NFE2L2: variants seen among roughly 807,000 people sequenced by gnomAD.
NFE2L2 encodes the protein NFE2 like bZIP transcription factor 2.
A neutral mutation model predicts 49.6 loss-of-function variants in NFE2L2; 20 were observed. That is an observed-to-expected ratio of 0.40 (90% CI 0.28 to 0.59). NFE2L2 has a LOEUF of 0.59. NFE2L2 is among the 20% of genes least tolerant of loss of function. The pLI is 0.40. For missense variants in NFE2L2, 578 were observed against 714.2 expected (o/e 0.81, Z 2.17); for synonymous variants, 244 against 256.5 (o/e 0.95, Z 0.47).
chr2:177,239,394 T>C, intron 1 of NFE2L2, among the ~76,000 whole-genome samples: 1 of 152,170 alleles, frequency 6.6e-6, no homozygotes, highest in East Asian at 1.9e-4. Context: ...TATATTTATG[T>C]GGCCAGGCAT....
In NFE2L2 at chr2:177,259,259, A is replaced by G. The variant is rs57136150; in HGVS notation, c.45+5273T>C. Among the ~76,000 whole-genome samples the G allele has an allele frequency of 2.0e-5, 3 of 151,894 alleles. No individual in the cohort carries two copies. In the East Asian group the frequency reaches 5.9e-4, roughly 30 times the overall value. The stretch of plus-strand genomic sequence containing the variant: ...GGAGGGTGCAGTGAGCCCAGACTGT[A>G]CCAATGCACTCCAGCCTGGGTGACC... On this transcript the variant is annotated intron_variant, in intron 1 of 4. Coordinates refer to ENST00000397062, the MANE Select transcript of NFE2L2 (RefSeq NM_006164.5).
intron 1 of NFE2L2, among the ~76,000 whole-genome samples, chr2:177,248,073 A>C (rs996940456): frequency 6.6e-6 from 1 of 152,204 alleles, no homozygotes; most frequent in Non-Finnish European, 1.5e-5. Flanking sequence ...CAACTGACTA[A>C]GGAGAGCTGA....
Position 177,231,913 on chromosome 2 carries a change from T to A in NFE2L2, c.690A>T (p.Ser230=), listed in dbSNP as rs1209598219. The change falls in exon 5 of 5, where the codon TCA becomes TCT. Residue 230 remains serine, a synonymous_variant. Transcript: ENST00000397062. ...CTTCTTTTTCCATTGAGGGTATAGA[T>A]GAGTAAAAATGATAATTGTCAACTT... The part of the protein sequence containing the change: ...LTEVDNYHFY[S]SIPSMEKEVG... The A allele has an allele frequency of 2.5e-6, 4 of 1,614,050 alleles. No individual in the cohort carries two copies. The highest frequency in any genetic ancestry group is 3.4e-6 in the Non-Finnish European group (4 of 1,180,008).
chr2:177,232,489 T>G lies in NFE2L2; in HGVS notation c.497A>C (p.Glu166Ala), dbSNP rs773787567. Reference sequence around the variant, plus strand: ...AGGGGCTACCTGAGCAACAGAAGTTTCAGGTGACTGAGCCTGATTAGTAGC... The same window carrying G: ...AGGGGCTACCTGAGCAACAGAAGTTGCAGGTGACTGAGCCTGATTAGTAGC... ...FIATNQAQSP[E>A]TSVAQVAPVD... is the part of the protein sequence containing the mutation. The change falls in exon 4 of 5, where the codon GAA (glutamate) becomes GCA (alanine). Residue 166 changes from glutamate (E) to alanine (A), a missense_variant. Coordinates refer to ENST00000397062, the MANE Select transcript of NFE2L2 (RefSeq NM_006164.5). 6.2e-7 allele frequency: 1 copy of G among 1,614,138 alleles called. No homozygotes were observed. The highest frequency in any genetic ancestry group is 8.5e-7 in the Non-Finnish European group (1 of 1,179,988).
At chr2:177,264,006 G>C (rs1386421881) in intron 1 of NFE2L2, 1 of 951,198 alleles carries the variant, frequency 1.1e-6, no homozygotes, top group Non-Finnish European at 1.3e-6. Context: ...AGGAGGTCTT[G>C]GGGCGCGGCG....
At chr2:177,256,274 C>CCT (rs1690519713) in intron 1 of NFE2L2, among the ~76,000 whole-genome samples, 1 of 151,906 alleles carries the variant, frequency 6.6e-6, no homozygotes, top group African/African-American at 2.4e-5. Flanking sequence ...TATTCTAGTC[C>CCT]CTCAGGCAGG....
At chr2:177,262,563 A>G (rs538253061) in intron 1 of NFE2L2, among the ~76,000 whole-genome samples, 10 of 152,270 alleles carry the variant, frequency 6.6e-5, no homozygotes, top group African/African-American at 9.6e-5. Flanking sequence ...TCAATTCTAA[A>G]TTTTCTTGTT....
chr2:177,242,756 A>G lies in NFE2L2; in HGVS notation c.46-8485T>C, dbSNP rs1689982535. On this transcript the variant is annotated intron_variant, in intron 1 of 4. Coordinates refer to ENST00000397062, the MANE Select transcript of NFE2L2 (RefSeq NM_006164.5). ...AAGCAAGAATTTGGATTATTTTCTC[A>G]AGAGGCACATGCAGAGTTCGGTCAA... 2.0e-5 allele frequency among the ~76,000 whole-genome samples: 3 copies of G among 152,244 alleles called. No individual in the cohort carries two copies. The South Asian group carries it at 6.2e-4, about 31-fold the overall frequency.
Position 177,231,807 on chromosome 2 carries a change from A to T in NFE2L2, c.796T>A (p.Leu266Met), listed in dbSNP as rs575653117. ...TCTGAATTTAATGAGTTCACTGTCA[A>T]CTGGTTGGGGTCTTCTGTGGAGAGG... ...SILSTEDPNQ[L>M]TVNSLNSDAT... is the part of the protein sequence containing the mutation. Residue 266 changes from leucine (L) to methionine (M), a missense_variant, in exon 5 of 5, where the codon TTG becomes ATG. Leu to Met is a conservative substitution (Grantham distance 15). Transcript: ENST00000397062. 1 of 1,614,220 alleles carries T rather than the reference A, an allele frequency of 6.2e-7. No homozygotes were observed. Among genetic ancestry groups the T allele is most frequent in the Non-Finnish European group, 8.5e-7 (1 of 1,180,028 alleles).
chr2:177,261,426 C>T (rs569905730), intron 1 of NFE2L2, among the ~76,000 whole-genome samples: 1 of 152,132 alleles, frequency 6.6e-6, no homozygotes, highest in African/African-American at 2.4e-5. Context: ...CTCAACTTAC[C>T]CACTTTTTAA....
chr2:177,258,480 G>A (rs769956295), intron 1 of NFE2L2, among the ~76,000 whole-genome samples: 4 of 152,172 alleles, frequency 2.6e-5, no homozygotes, highest in Non-Finnish European at 5.9e-5. Context: ...AATGGATATG[G>A]GGTTTCTTTT....
At chr2:177,258,923 ATT>A (rs1301421106) in intron 1 of NFE2L2, among the ~76,000 whole-genome samples, 1 of 152,236 alleles carries the variant, frequency 6.6e-6, no homozygotes, top group African/African-American at 2.4e-5. Flanking sequence ...GCTATTTAGC[ATT>A]GTCTTAGAAT....
chr2:177,230,781 A>C lies in NFE2L2; in HGVS notation c.*4T>G. On this transcript the variant is annotated 3_prime_UTR_variant, in exon 5 of 5. Coordinates refer to ENST00000397062, the MANE Select transcript of NFE2L2 (RefSeq NM_006164.5). ...AGCTCAGAAAAGGTCAAATCCTCCT[A>C]AATCTAGTTTTTCTTAACATCTGGC... 1.3e-6 allele frequency: 2 copies of C among 1,572,774 alleles called. No homozygotes were observed. The highest frequency in any genetic ancestry group is 2.2e-5 in the East Asian group (1 of 44,524).
chr2:177,261,355 G>C (rs1408169255), intron 1 of NFE2L2, among the ~76,000 whole-genome samples: 1 of 152,080 alleles, frequency 6.6e-6, no homozygotes, highest in South Asian at 2.1e-4. Context: ...TTGCTAAATG[G>C]AAAAGCTGCA....
intron 1 of NFE2L2, among the ~76,000 whole-genome samples, chr2:177,237,273 C>G (rs1031725913): frequency 2.6e-5 from 4 of 152,174 alleles, no homozygotes; most frequent in African/African-American, 9.7e-5. Flanking sequence ...TAGTATGAAG[C>G]GGCCAGTCTG....
At position 177,231,198 on chromosome 2, in the gene NFE2L2, G is replaced by A. The variant is rs2105451801; in HGVS notation, c.1405C>T (p.Pro469Ser). The change falls in exon 5 of 5, where the codon CCT becomes TCT. Residue 469 changes from proline to serine, a missense_variant. By Grantham distance (74) the Pro-to-Ser change is moderately conservative. Transcript: ENST00000397062. ...LRAKALHIPFPVEKIINLPVV... is the reference protein window; with the variant it reads ...LRAKALHIPFSVEKIINLPVV... ...GGGAGGTTAATGATTTTTTCTACAGGGAATGGGATATGGAGAGCTTTTGCC... is the reference window on the plus strand; with the variant it reads ...GGGAGGTTAATGATTTTTTCTACAGAGAATGGGATATGGAGAGCTTTTGCC... The A allele has an allele frequency of 6.2e-7, 1 of 1,614,068 alleles. No individual in the cohort carries two copies.
intron 1 of NFE2L2, among the ~76,000 whole-genome samples, chr2:177,254,026 T>C (rs573700187): frequency 6.6e-6 from 1 of 152,326 alleles, no homozygotes; most frequent in South Asian, 2.1e-4. Context: ...TATCTCAGTA[T>C]TCAGACTTCT....
At chr2:177,244,831 CA>C (rs1337493860) in intron 1 of NFE2L2, among the ~76,000 whole-genome samples, 156 of 151,878 alleles carry the variant, frequency 1.0e-3, no homozygotes, top group African/African-American at 3.5e-3. Flanking sequence ...GGTGAAACCC[CA>C]TCTCTACTAA....
At chr2:177,241,367 T>C (rs1352005096) in intron 1 of NFE2L2, among the ~76,000 whole-genome samples, 3 of 152,236 alleles carry the variant, frequency 2.0e-5, no homozygotes, top group Admixed American at 6.5e-5. Context: ...TTCTTCATAT[T>C]ATTCCCAGGT....
Sources: gnomAD v4.1 joint callset for allele counts (sites outside exome capture counted in the v4.1 genomes callset) on GRCh38, gnomAD v4.1.1 for gene constraint, MANE v1.5 for transcripts, NCBI Gene and HGNC (gene_info 2026-07-23, HGNC 2026-07-21) for gene names.